The following PSAP variants were observed in gnomAD, a reference collection of about 807,000 sequenced individuals.
The protein encoded by PSAP is prosaposin.
In PSAP, 25 loss-of-function variants were observed where a neutral mutation model predicts 66.0. That is an observed-to-expected ratio of 0.38 (90% CI 0.28 to 0.53). The LOEUF is 0.53. Ranked by LOEUF, PSAP falls within the 20% of genes least tolerant of loss-of-function variation. The pLI is 0.83. For synonymous variants in PSAP, 273 were observed against 258.9 expected, an observed-to-expected ratio of 1.05 and a Z score of -0.52; for missense variants, 649 against 668.8, an observed-to-expected ratio of 0.97 and a Z score of 0.33.
intron 1 of PSAP, among the ~76,000 whole-genome samples, chr10:71,841,779 G>C (rs986464303): frequency 6.6e-6 from 1 of 152,174 alleles, no homozygotes; most frequent in Non-Finnish European, 1.5e-5. Context: ...GCCGAGGCGA[G>C]TGGATTACTT....
At chr10:71,847,661 A>G (rs1382089877) in intron 1 of PSAP, among the ~76,000 whole-genome samples, 1 of 151,798 alleles carries the variant, frequency 6.6e-6, no homozygotes, top group Non-Finnish European at 1.5e-5. Flanking sequence ...AAAAAAAAAA[A>G]GAAACAAAAC....
Position 71,828,171 on chromosome 10 carries a change from AGTTAGG to A in PSAP, c.577-20_577-15del. On this transcript the variant is annotated splice_polypyrimidine_tract_variant and intron_variant, in intron 5 of 13. Transcript: ENST00000394936. Reference sequence around the variant, plus strand: ...GTCCCCATTATCCTACAGAAGAGGCAGTTAGGTTTGCAACTTAAGAGGACTCAAATT... The same window carrying A: ...GTCCCCATTATCCTACAGAAGAGGCATTTGCAACTTAAGAGGACTCAAATT... 1 of 1,614,188 alleles carries A rather than the reference AGTTAGG, an allele frequency of 6.2e-7. No homozygotes were observed. The highest frequency in any genetic ancestry group is 8.5e-7 in the Non-Finnish European group (1 of 1,179,996).
At chr10:71,831,374 G>T in intron 3 of PSAP, 123 bp from the exon 4 acceptor site, 1 of 1,312,782 alleles carries the variant, frequency 7.6e-7, no homozygotes, top group Non-Finnish European at 1.1e-6. Context: ...CCAGCCCTCA[G>T]GGAAAAGGAC....
chr10:71,824,598 T>G lies in PSAP; in HGVS notation c.777+1239A>C, dbSNP rs150208103. Among the ~76,000 whole-genome samples the G allele has an allele frequency of 2.4e-3, 363 of 152,378 alleles. 1 individual carries two copies. The highest frequency in any genetic ancestry group is 8.5e-3 in the South Asian group (41 of 4,832). The stretch of plus-strand genomic sequence containing the variant: ...CCGGGGACCAATTATGTAAATTCTC[T>G]TCTATGTACACAGGTGATTATTCTG... On this transcript the variant is annotated intron_variant, in intron 7 of 13. Transcript: ENST00000394936.
Position 71,851,060 on chromosome 10 carries a change from G to C in PSAP, c.40+122C>G. ...AAGCCAGCGAACGCGCCTGCGCAGT[G>C]CGCGCGCCCCCTTGCCAACTAGGGC... On this transcript the variant is annotated intron_variant, in intron 1 of 13. Transcript: ENST00000394936. The C allele has an allele frequency of 3.4e-6, 4 of 1,184,506 alleles. No homozygotes were observed. In the South Asian group the frequency reaches 5.2e-5, roughly 15 times the overall value. 73.4% of individuals were successfully genotyped at this position (1,184,506 alleles called of 1,614,324 possible).
rs1251622284 is a variant in PSAP at position 71,817,648 on chromosome 10, CG to C, written c.1540-173del. ...GGATCTCACTTAAAAACAGGGAACA[CG>C]TGGCCATCAGAGTTTTGGGAACTTC... On this transcript the variant is annotated intron_variant, in intron 13 of 13. Transcript: ENST00000394936. Among the ~76,000 whole-genome samples the C allele has an allele frequency of 2.0e-5, 3 of 152,310 alleles. No individual in the cohort carries two copies. In the South Asian group the frequency reaches 6.2e-4, roughly 32 times the overall value.
Position 71,851,034 on chromosome 10 carries a change from A to G in PSAP, c.40+148T>C, listed in dbSNP as rs1842918474. On this transcript the variant is annotated intron_variant, in intron 1 of 13. Coordinates refer to ENST00000394936, the MANE Select transcript of PSAP (RefSeq NM_002778.4). ...CCCAGCCGCCCAGAGAAAGCCAGAG[A>G]AAGCCAGCGAACGCGCCTGCGCAGT... 8 of 927,942 alleles carry G rather than the reference A, an allele frequency of 8.6e-6. No individual in the cohort carries two copies. In the South Asian group the frequency reaches 1.1e-4, roughly 13 times the overall value. 57.5% of individuals were successfully genotyped at this position (927,942 alleles called of 1,614,324 possible). A position where few individuals can be genotyped will look rare whatever the true frequency, so the allele number is the denominator to read the frequency against.
At position 71,849,607 on chromosome 10, in the gene PSAP, A is replaced by G. The variant is rs191018906; in HGVS notation, c.40+1575T>C. On this transcript the variant is annotated intron_variant, in intron 1 of 13. Transcript: ENST00000394936. Reference sequence around the variant, plus strand: ...CAACAACAGCGAAACTCCGTCTCAAAAAACAAACAAACAAACAAAACAAAC... The same window carrying G: ...CAACAACAGCGAAACTCCGTCTCAAGAAACAAACAAACAAACAAAACAAAC... 2.5e-3 allele frequency among the ~76,000 whole-genome samples: 386 copies of G among 152,132 alleles called. 2 individuals carry two copies. Among genetic ancestry groups the G allele is most frequent in the African/African-American group, 8.8e-3 (364 of 41,400 alleles).
chr10:71,835,353 T>C (rs577107212), intron 1 of PSAP, among the ~76,000 whole-genome samples: 1 of 151,814 alleles, frequency 6.6e-6, no homozygotes, highest in South Asian at 2.1e-4. Flanking sequence ...GAGGCCGAGG[T>C]GGGGTCAGTT....
At chr10:71,827,122 C>T (rs1377728047) in intron 6 of PSAP, among the ~76,000 whole-genome samples, 2 of 152,248 alleles carry the variant, frequency 1.3e-5, no homozygotes, top group South Asian at 2.1e-4. Context: ...AATGGCCGGG[C>T]GCGGTGGCTC....
rs1299068145 is a variant in PSAP, at chr10:71,817,474, A to G, written c.1542T>C (p.Ala514=). ...QNTETAAQCN[A]VEHCKRHVWN ...ACACATGGCGTTTGCAATGCTCGAC[A>G]GCCTGGTAGGAGAGAGGAAGCTGAG... Residue 514 remains alanine (A), a splice_region_variant and synonymous_variant, in exon 14 of 14, where the codon GCT becomes GCC. Transcript: ENST00000394936. 9.3e-6 allele frequency: 15 copies of G among 1,614,168 alleles called. No homozygotes were observed. The highest frequency in any genetic ancestry group is 1.3e-5 in the Non-Finnish European group (15 of 1,179,998).
At chr10:71,831,434 A>G (rs1205311415) in intron 3 of PSAP, among the ~76,000 whole-genome samples, 183 bp from the exon 4 acceptor site, 4 of 152,234 alleles carry the variant, frequency 2.6e-5, no homozygotes, top group Non-Finnish European at 5.9e-5. Context: ...AAAAGCAGAC[A>G]TGAGCATTCA....
Position 71,830,294 on chromosome 10 carries a change from A to G in PSAP, c.375+832T>C, listed in dbSNP as rs146717427. Among the ~76,000 whole-genome samples, 227 of 152,302 alleles carry G rather than the reference A, an allele frequency of 1.5e-3. 1 individual carries two copies. The highest frequency in any genetic ancestry group is 5.2e-3 in the African/African-American group (217 of 41,556). ...TCTTCCTCTCCTATACATCCCCCTC[A>G]TGAGCAAGTCCAGTCCATTTAATCC... On this transcript the variant is annotated intron_variant, in intron 4 of 13. Transcript: ENST00000394936.
chr10:71,847,519 G>C (rs1014365707), intron 1 of PSAP, among the ~76,000 whole-genome samples: 6 of 152,038 alleles, frequency 3.9e-5, no homozygotes, highest in Admixed American at 3.9e-4. Context: ...CTGCACACCA[G>C]CCTGGGGACA....
At chr10:71,831,747 C>T in intron 3 of PSAP, 99 bp downstream of exon 3, 1 of 1,219,312 alleles carries the variant, frequency 8.2e-7, no homozygotes, top group South Asian at 1.2e-5. Context: ...CACCCTCAGG[C>T]CTACACCATT....
chr10:71,821,868 C>G lies in PSAP; in HGVS notation c.909+8G>C. ...GCCCTGACCAGGACACAAAGTGACA[C>G]CAGGTACCTTAATGGGCTCCACCAG... is the stretch of plus-strand genomic sequence containing the variant. On this transcript the variant is annotated splice_region_variant and intron_variant, in intron 8 of 13. Coordinates refer to ENST00000394936, the MANE Select transcript of PSAP (RefSeq NM_002778.4). 1 of 1,614,110 alleles carries G rather than the reference C, an allele frequency of 6.2e-7. No individual in the cohort carries two copies. The highest frequency in any genetic ancestry group is 2.2e-5 in the East Asian group (1 of 44,888).
At chr10:71,838,749 C>G (rs1447235417) in intron 1 of PSAP, among the ~76,000 whole-genome samples, 1 of 151,992 alleles carries the variant, frequency 6.6e-6, no homozygotes, top group African/African-American at 2.4e-5. Flanking sequence ...AAGCCAGAGC[C>G]TGTCTCAGAA....
rs773375668 is a variant in PSAP, at chr10:71,819,565, C to T, written c.1250G>A (p.Gly417Asp). 1.9e-6 allele frequency: 3 copies of T among 1,614,236 alleles called. No homozygotes were observed. Among genetic ancestry groups the T allele is most frequent in the East Asian group, 4.5e-5 (2 of 44,884 alleles). Residue 417 changes from glycine to aspartate, a missense_variant, in exon 11 of 14, where the codon GGT becomes GAT. Coordinates refer to ENST00000394936, the MANE Select transcript of PSAP (RefSeq NM_002778.4). ...GFCEVCKKLV[G>D]YLDRNLEKNS... ...TTTCTCCAGGTTGCGATCCAAATAA[C>T]CCACCAGCTTCTTGCACACTTCGCA...
At chr10:71,824,343 T>A (rs1336020817) in intron 7 of PSAP, among the ~76,000 whole-genome samples, 2 of 152,132 alleles carry the variant, frequency 1.3e-5, no homozygotes, top group Non-Finnish European at 2.9e-5. Context: ...GGGTAAGGGA[T>A]CCCTGAGGGG....
Sources: allele counts gnomAD v4.1 joint callset (sites outside exome capture counted in the v4.1 genomes callset), GRCh38; gene constraint gnomAD v4.1.1; transcripts MANE v1.5; gene names NCBI Gene and HGNC (gene_info 2026-07-23, HGNC 2026-07-21).